ZNF503: variants seen among roughly 807,000 people sequenced by gnomAD.
ZNF503 encodes the protein zinc finger protein 503.
A neutral mutation model predicts 34.4 loss-of-function variants in ZNF503; 15 were observed. That is an observed-to-expected ratio of 0.44 (90% CI 0.29 to 0.67). The LOEUF is 0.67. Ranked by LOEUF, ZNF503 falls within the 30% of genes least tolerant of loss-of-function variation. ZNF503 has a pLI of 0.13. For missense variants in ZNF503, 1,007 were observed against 926.8 expected (o/e 1.09, Z -1.12); for synonymous variants, 580 against 456.8 (o/e 1.27, Z -3.44).
the ZNF503 span, among the ~76,000 whole-genome samples, chr10:75,311,691 C>T: frequency 6.3e-5 from 9 of 143,816 alleles, no homozygotes; most frequent in South Asian, 1.3e-3. Flanking sequence ...AAAAAAAAGC[C>T]GGAAGTGGTG....
chr10:75,367,022 G>C, the ZNF503 span, among the ~76,000 whole-genome samples: 3,844 of 152,310 alleles, frequency 0.025, 47 homozygotes, highest in South Asian at 0.037. Flanking sequence ...AACTAAGGCA[G>C]AGGTTAGCTG....
chr10:75,396,951 C>G (rs1223492223), downstream of ZNF503, among the ~76,000 whole-genome samples: 1 of 152,246 alleles, frequency 6.6e-6, no homozygotes, highest in Non-Finnish European at 1.5e-5. This position sits in a 1 kb window ranked among gnomAD's most constrained non-coding sequence, Gnocchi z 4.4. Flanking sequence ...CCACAGGGAG[C>G]TGCGCCCGGA....
chr10:75,289,421 G>A, the ZNF503 span, among the ~76,000 whole-genome samples: 6 of 152,054 alleles, frequency 3.9e-5, no homozygotes, highest in African/African-American at 1.4e-4. Flanking sequence ...CAGTTTCTGT[G>A]GTCAGGAATT....
chr10:75,316,696 G>A, the ZNF503 span, among the ~76,000 whole-genome samples: 1 of 152,008 alleles, frequency 6.6e-6, no homozygotes, highest in African/African-American at 2.4e-5. Flanking sequence ...AAGAAGATAG[G>A]AATCATATAA....
At chr10:75,372,058 G>A in the ZNF503 span, among the ~76,000 whole-genome samples, 3 of 152,152 alleles carry the variant, frequency 2.0e-5, no homozygotes, top group South Asian at 6.2e-4. Context: ...AGCCTCACGA[G>A]TAGCTGGGAT....
chr10:75,369,318 T>C, the ZNF503 span, among the ~76,000 whole-genome samples: 9 of 152,230 alleles, frequency 5.9e-5, no homozygotes, highest in Admixed American at 5.9e-4. Flanking sequence ...AATCTCATCT[T>C]GAATTGTCAT....
chr10:75,324,383 C>T, the ZNF503 span, among the ~76,000 whole-genome samples: 11 of 151,510 alleles, frequency 7.3e-5, no homozygotes, highest in Admixed American at 2.0e-4. Context: ...GGCTGGAATG[C>T]AAAAGTGTGG....
At chr10:75,317,411 G>A in the ZNF503 span, among the ~76,000 whole-genome samples, 1 of 151,130 alleles carries the variant, frequency 6.6e-6, no homozygotes, top group Non-Finnish European at 1.5e-5. Flanking sequence ...CCAAGTAGCT[G>A]GGACTACAGG....
downstream of ZNF503, chr10:75,397,683 C>T (rs528663598): frequency 6.6e-6 from 1 of 152,372 alleles, no homozygotes; most frequent in Non-Finnish European, 1.5e-5. Flanking sequence ...GTAGCCCCTT[C>T]CGACGCCTTT....
chr10:75,342,147 G>C, the ZNF503 span, among the ~76,000 whole-genome samples: 1 of 148,252 alleles, frequency 6.7e-6, no homozygotes, highest in Non-Finnish European at 1.5e-5. Flanking sequence ...TTCTGGTACT[G>C]TCTTGTATCC....
At chr10:75,281,614 C>T in the ZNF503 span, among the ~76,000 whole-genome samples, 1 of 152,176 alleles carries the variant, frequency 6.6e-6, no homozygotes, top group East Asian at 1.9e-4. Flanking sequence ...TTTTACAAAG[C>T]AGGAGTGTGA....
the ZNF503 span, among the ~76,000 whole-genome samples, chr10:75,387,161 C>T: frequency 9.2e-5 from 14 of 152,264 alleles, no homozygotes; most frequent in African/African-American, 3.4e-4. Flanking sequence ...GCCTTGAGGG[C>T]TTCCCCGGAG....
the ZNF503 span, among the ~76,000 whole-genome samples, chr10:75,302,690 A>G: frequency 6.6e-6 from 1 of 152,142 alleles, no homozygotes; most frequent in East Asian, 1.9e-4. Context: ...CCTCTAGTCC[A>G]TCAGTCCTTT....
At chr10:75,364,897 T>G in the ZNF503 span, among the ~76,000 whole-genome samples, 2 of 152,198 alleles carry the variant, frequency 1.3e-5, no homozygotes, top group Non-Finnish European at 2.9e-5. Flanking sequence ...ATGGGCAGAT[T>G]GGCCAGGCTC....
At position 75,401,655 on chromosome 10, in the gene ZNF503, G is replaced by A; in HGVS notation, c.-236C>T. The A allele has an allele frequency of 3.9e-6, 2 of 515,764 alleles. No homozygotes were observed. The highest frequency in any genetic ancestry group is 3.8e-5 in the East Asian group (1 of 26,340). The allele number at this position is 515,764 out of a possible 1,614,324, so 31.9% of individuals were successfully genotyped here. A position where few individuals can be genotyped will look rare whatever the true frequency, so the allele number is the denominator to read the frequency against. ...GAGCCGGCTGGACTGCGGGAGTGCC[G>A]GGCGGCTCGCGGTGTCCGCCTCGGG... On this transcript the variant is annotated 5_prime_UTR_variant, in exon 1 of 2. Transcript: ENST00000372524.
chr10:75,385,262 G>T, the ZNF503 span, among the ~76,000 whole-genome samples: 1 of 152,238 alleles, frequency 6.6e-6, no homozygotes, highest in African/African-American at 2.4e-5. Flanking sequence ...CTTCTGTGTG[G>T]CTGGGAGCAT....
chr10:75,295,438 C>T, the ZNF503 span: 1 of 152,246 alleles, frequency 6.6e-6, no homozygotes, highest in Admixed American at 6.5e-5. This position sits in a 1 kb window ranked among gnomAD's most constrained non-coding sequence, Gnocchi z 4.0. Flanking sequence ...AGGAGAGTAT[C>T]GGAGCTTTGT....
the ZNF503 span, among the ~76,000 whole-genome samples, chr10:75,364,070 T>A: frequency 6.6e-6 from 1 of 152,262 alleles, no homozygotes; most frequent in Non-Finnish European, 1.5e-5. Context: ...TATTTTATTA[T>A]AACTGACTTT....
the ZNF503 span, among the ~76,000 whole-genome samples, chr10:75,389,456 G>A: frequency 5.6e-3 from 850 of 152,274 alleles, 8 homozygotes; most frequent in African/African-American, 0.019. Flanking sequence ...TGGGCCAGGC[G>A]CAGTGGCTCA....
Sources: gnomAD v4.1 joint callset for allele counts (sites outside exome capture counted in the v4.1 genomes callset) on GRCh38, gnomAD v4.1.1 for gene constraint, Gnocchi (gnomAD v3.1) non-coding constraint, MANE v1.5 for transcripts, NCBI Gene and HGNC (gene_info 2026-07-23, HGNC 2026-07-21) for gene names.